GNG12: variants seen among roughly 807,000 people sequenced by gnomAD.
GNG12 encodes the protein guanine nucleotide-binding protein G(I)/G(S)/G(O) subunit gamma-12.
For synonymous variants in GNG12, 28 were observed against 29.7 expected (o/e 0.94, Z 0.19); for missense variants, 69 against 83.8 (o/e 0.82, Z 0.69).
chr1:67,738,125 T>G (rs1433898493), intron 2 of GNG12, among the ~76,000 whole-genome samples: 1 of 152,024 alleles, frequency 6.6e-6, no homozygotes. Flanking sequence ...TTGGTAGATA[T>G]GGGGTTTCGT....
intron 1 of GNG12, among the ~76,000 whole-genome samples, chr1:67,799,466 T>G (rs1250119686): frequency 6.6e-6 from 1 of 152,236 alleles, no homozygotes; most frequent in East Asian, 1.9e-4. Context: ...TTATTTGTCC[T>G]GACTTTGTAT....
At chr1:67,735,772 A>T (rs1646449152) in intron 2 of GNG12, among the ~76,000 whole-genome samples, 1 of 152,258 alleles carries the variant, frequency 6.6e-6, no homozygotes, top group Non-Finnish European at 1.5e-5. Context: ...AAAAACATAA[A>T]AAAATTCTTC....
chr1:67,706,323 C>T (rs552946086), intron 3 of GNG12, among the ~76,000 whole-genome samples: 6 of 152,226 alleles, frequency 3.9e-5, no homozygotes, highest in East Asian at 1.9e-4. Context: ...ACGATGGGCT[C>T]GGAGCCAAAA....
chr1:67,756,849 A>C (rs1392689474), intron 2 of GNG12, among the ~76,000 whole-genome samples: 1 of 152,286 alleles, frequency 6.6e-6, no homozygotes, highest in East Asian at 1.9e-4. Flanking sequence ...TCTGCACTGC[A>C]AGGTTTATGA....
At chr1:67,734,138 C>G (rs992602414) in intron 2 of GNG12, among the ~76,000 whole-genome samples, 1 of 151,774 alleles carries the variant, frequency 6.6e-6, no homozygotes, top group Non-Finnish European at 1.5e-5. Flanking sequence ...TGTGTCCCAG[C>G]GGGAGTGTGT....
intron 2 of GNG12, among the ~76,000 whole-genome samples, chr1:67,743,786 C>G (rs980444449): frequency 6.6e-6 from 1 of 152,164 alleles, no homozygotes; most frequent in African/African-American, 2.4e-5. Context: ...TGTTTATAAG[C>G]AGGAGGTAAG....
At chr1:67,761,475 C>T (rs1557608465) in intron 2 of GNG12, among the ~76,000 whole-genome samples, 1 of 152,128 alleles carries the variant, frequency 6.6e-6, no homozygotes, top group East Asian at 1.9e-4. Flanking sequence ...CTCAGGCTCT[C>T]ATGAAGGGAA....
intron 1 of GNG12, among the ~76,000 whole-genome samples, chr1:67,822,326 G>A (rs1646989073): frequency 6.6e-6 from 1 of 151,872 alleles, no homozygotes; most frequent in Admixed American, 6.6e-5. Context: ...CCAAGGAATG[G>A]CTGACATGAC....
intron 2 of GNG12, among the ~76,000 whole-genome samples, chr1:67,719,485 G>A (rs1294905173): frequency 2.0e-5 from 3 of 151,932 alleles, no homozygotes; most frequent in African/African-American, 4.8e-5. Flanking sequence ...TTTGTTTTCC[G>A]AAGGACAAGA....
chr1:67,777,235 T>A (rs1474383216), intron 2 of GNG12: 1 of 152,242 alleles, frequency 6.6e-6, no homozygotes, highest in Non-Finnish European at 1.5e-5. Context: ...GTATTTGGCA[T>A]GTAATCATGG....
rs1646226278 is a variant in GNG12 at position 67,703,320 on chromosome 1, A to G, written c.*2131T>C. The G allele has an allele frequency of 6.6e-6, 1 of 152,236 alleles. No individual in the cohort carries two copies. The highest frequency in any genetic ancestry group is 2.4e-5 in the African/African-American group (1 of 41,456). The allele number at this position is 152,236 out of a possible 1,614,324, so 9.4% of individuals were successfully genotyped here. A position where few individuals can be genotyped will look rare whatever the true frequency, so the allele number is the denominator to read the frequency against. ...ATACTTGTTTACTGTTAGGTAAAAG[A>G]GCATGTTTCAGTACTAAATAATAAA... On this transcript the variant is annotated 3_prime_UTR_variant, in exon 4 of 4. Transcript: ENST00000370982.
intron 2 of GNG12, among the ~76,000 whole-genome samples, chr1:67,723,031 C>T (rs140783096): frequency 8.5e-4 from 130 of 152,252 alleles, no homozygotes; most frequent in African/African-American, 3.0e-3. Context: ...TAGAAACCAC[C>T]CAGTGTTCAT....
intron 2 of GNG12, among the ~76,000 whole-genome samples, chr1:67,760,337 A>G (rs765173781): frequency 1.3e-5 from 2 of 152,328 alleles, no homozygotes; most frequent in Non-Finnish European, 2.9e-5. Context: ...CAATAACTGT[A>G]TAAGCTCACT....
At chr1:67,790,703 G>T (rs113622008) in intron 1 of GNG12, among the ~76,000 whole-genome samples, 1 of 151,482 alleles carries the variant, frequency 6.6e-6, no homozygotes, top group Non-Finnish European at 1.5e-5. Context: ...TCTGCCTCCC[G>T]GGTTCAAGCA....
At chr1:67,831,696 CTG>C (rs1054660788) in intron 1 of GNG12, among the ~76,000 whole-genome samples, 1 of 152,072 alleles carries the variant, frequency 6.6e-6, no homozygotes, top group Non-Finnish European at 1.5e-5. Context: ...ACTTAAGACT[CTG>C]TAAAATTTTT....
chr1:67,818,434 T>C (rs1256191247), intron 1 of GNG12, among the ~76,000 whole-genome samples: 1 of 148,616 alleles, frequency 6.7e-6, no homozygotes, highest in African/African-American at 2.5e-5. Context: ...TTTTTTTTTT[T>C]TTTTTTTACT....
intron 2 of GNG12, among the ~76,000 whole-genome samples, chr1:67,717,891 C>T (rs1358444288): frequency 5.9e-5 from 9 of 152,178 alleles, no homozygotes; most frequent in Non-Finnish European, 1.0e-4. Flanking sequence ...TCACTTATTA[C>T]GCTAAGTTGC....
intron 2 of GNG12, among the ~76,000 whole-genome samples, chr1:67,727,505 G>C (rs923457471): frequency 1.3e-5 from 2 of 152,196 alleles, no homozygotes. Flanking sequence ...ACCTGTCAGT[G>C]TCAGCATTTA....
intron 2 of GNG12, among the ~76,000 whole-genome samples, chr1:67,770,296 T>C (rs772436990): frequency 5.9e-5 from 9 of 152,176 alleles, no homozygotes; most frequent in Non-Finnish European, 1.0e-4. Flanking sequence ...TGGAGAGGGC[T>C]CAGCCTTTCT....
Sources: gnomAD v4.1 joint callset for allele counts (sites outside exome capture counted in the v4.1 genomes callset) on GRCh38, gnomAD v4.1.1 for gene constraint, MANE v1.5 for transcripts, NCBI Gene and HGNC (gene_info 2026-07-23, HGNC 2026-07-21) for gene names.